The following AGAP1 variants were observed in gnomAD, a reference collection of about 807,000 sequenced individuals.
AGAP1 encodes the protein ArfGAP with GTPase domain, ankyrin repeat and PH domain 1.
In AGAP1, 29 loss-of-function variants were observed where a neutral mutation model predicts 105.3. That is an observed-to-expected ratio of 0.28 (90% CI 0.21 to 0.38). AGAP1 has a LOEUF of 0.38. Among genes scored for constraint, AGAP1 ranks in the 10% least tolerant of loss-of-function variants. The pLI is 1.00. For missense variants in AGAP1, 998 were observed against 1,165.1 expected, an observed-to-expected ratio of 0.86 and a Z score of 2.09; for synonymous variants, 509 against 485.9, an observed-to-expected ratio of 1.05 and a Z score of -0.63.
rs71400783 is a variant in AGAP1, at chr2:235,754,426, T to TAA, written c.673+3953_673+3954dup. Among the ~76,000 whole-genome samples, 1 of 136,666 alleles carries TAA rather than the reference T, an allele frequency of 7.3e-6. No homozygotes were observed. The highest frequency in any genetic ancestry group is 1.6e-5 in the Non-Finnish European group (1 of 62,482). 89.7% of individuals were successfully genotyped at this position (136,666 alleles called of 152,430 possible). A position where few individuals can be genotyped will look rare whatever the true frequency, so the allele number is the denominator to read the frequency against. On this transcript the variant is annotated intron_variant, in intron 6 of 17. Transcript: ENST00000304032. The surrounding 1 kb of genome is among the most constrained non-coding windows in gnomAD (Gnocchi z 4.6). ...TTCTACATAATGTTTGGCTTGTAAATAAAAAAAAAAAAAAAATCCAGCTGC... is the reference window on the plus strand; with the variant it reads ...TTCTACATAATGTTTGGCTTGTAAATAAAAAAAAAAAAAAAAAATCCAGCTGC...
chr2:236,020,326 T>G lies in AGAP1; in HGVS notation c.1646-16235T>G, dbSNP rs1370544399. Among the ~76,000 whole-genome samples the G allele has an allele frequency of 1.3e-5, 2 of 152,236 alleles. No individual in the cohort carries two copies. The highest frequency in any genetic ancestry group is 2.4e-5 in the African/African-American group (1 of 41,456). Reference sequence around the variant, plus strand: ...AATTGCAGTGTTTGAACGTTGTTTATGTAGCCAGGAACAGAGATTTGAAAA... The same window carrying G: ...AATTGCAGTGTTTGAACGTTGTTTAGGTAGCCAGGAACAGAGATTTGAAAA... On this transcript the variant is annotated intron_variant, in intron 13 of 17. Transcript: ENST00000304032. The surrounding 1 kb of genome is among the most constrained non-coding windows in gnomAD (Gnocchi z 5.0).
chr2:235,939,572 A>G (rs891824643), intron 12 of AGAP1, among the ~76,000 whole-genome samples: 1 of 83,554 alleles, frequency 1.2e-5, no homozygotes, highest in Non-Finnish European at 2.2e-5. Flanking sequence ...GTTCCAGGAC[A>G]CTCGTCTGTC....
chr2:235,650,363 G>A (rs1947541350), intron 1 of AGAP1, among the ~76,000 whole-genome samples: 1 of 152,014 alleles, frequency 6.6e-6, no homozygotes, highest in Admixed American at 6.6e-5. Flanking sequence ...TCTGGGAGTT[G>A]GGTTTGTTCA....
At chr2:235,860,346 T>C (rs959153390) in intron 9 of AGAP1, among the ~76,000 whole-genome samples, 3 of 151,994 alleles carry the variant, frequency 2.0e-5, no homozygotes, top group African/African-American at 4.8e-5. Flanking sequence ...CTTGAAACCA[T>C]AATTATAATT....
chr2:235,901,421 G>C lies in AGAP1; in HGVS notation c.1156-7317G>C, dbSNP rs2051058762. 6.6e-6 allele frequency among the ~76,000 whole-genome samples: 1 copy of C among 152,074 alleles called. No homozygotes were observed. The highest frequency in any genetic ancestry group is 6.6e-5 in the Admixed American group (1 of 15,266). On this transcript the variant is annotated intron_variant, in intron 10 of 17. Transcript: ENST00000304032. This position sits in a 1 kb window ranked among gnomAD's most constrained non-coding sequence, Gnocchi z 4.3. ...CATTCTTTTCCTCCAGGAGAAGGAGGAACAAACAAATGTGAAAACATTTAC... is the reference window on the plus strand; with the variant it reads ...CATTCTTTTCCTCCAGGAGAAGGAGCAACAAACAAATGTGAAAACATTTAC...
rs7568328 is a variant in AGAP1 at position 235,879,697 on chromosome 2, G to T, written c.1051-3648G>T. 6.6e-6 allele frequency among the ~76,000 whole-genome samples: 1 copy of T among 152,158 alleles called. No individual in the cohort carries two copies. Among genetic ancestry groups the T allele is most frequent in the African/African-American group, 2.4e-5 (1 of 41,432 alleles). On this transcript the variant is annotated intron_variant, in intron 9 of 17. Transcript: ENST00000304032. This position sits in a 1 kb window ranked among gnomAD's most constrained non-coding sequence, Gnocchi z 5.0. ...ACCCCAGCACTTCTGGGAAGCCATG[G>T]TGGGAGGATTGCTTGAGCCCAGGAG...
chr2:235,829,355 C>T (rs897567056), intron 9 of AGAP1, among the ~76,000 whole-genome samples: 13 of 152,336 alleles, frequency 8.5e-5, no homozygotes, highest in Middle Eastern at 3.4e-3. Context: ...CATTAGCAGT[C>T]GGTCACCTGT....
rs867170483 is a variant in AGAP1 at position 235,799,018 on chromosome 2, G to A, written c.802-349G>A. Among the ~76,000 whole-genome samples, 2 of 152,282 alleles carry A rather than the reference G, an allele frequency of 1.3e-5. No individual in the cohort carries two copies. Among genetic ancestry groups the A allele is most frequent in the Middle Eastern group, 3.4e-3 (1 of 294 alleles). On this transcript the variant is annotated intron_variant, in intron 7 of 17. Coordinates refer to ENST00000304032, the MANE Select transcript of AGAP1 (RefSeq NM_001037131.3). The surrounding 1 kb of genome is among the most constrained non-coding windows in gnomAD (Gnocchi z 5.0). ...GGTTCTGCTGATCTAGAGCAGTGGA[G>A]GGACCATAGAATCCCTTTAGTTTAA...
At chr2:235,542,536 C>T (rs1048213904) in intron 1 of AGAP1, among the ~76,000 whole-genome samples, 2 of 150,646 alleles carry the variant, frequency 1.3e-5, no homozygotes, top group Non-Finnish European at 1.5e-5. Context: ...ATCCCAAATC[C>T]GTACATCCTC....
At chr2:236,106,575 G>A (rs976162902) in intron 16 of AGAP1, among the ~76,000 whole-genome samples, 1 of 152,212 alleles carries the variant, frequency 6.6e-6, no homozygotes, top group Non-Finnish European at 1.5e-5. Context: ...GGCCATGCTG[G>A]GATTCCAGGA....
intron 1 of AGAP1, among the ~76,000 whole-genome samples, chr2:235,605,394 G>A (rs1439604382): frequency 6.6e-6 from 1 of 152,206 alleles, no homozygotes; most frequent in Admixed American, 6.5e-5. Context: ...TACCCAGAGA[G>A]CAGAATTTCG....
chr2:235,930,081 T>C lies in AGAP1; in HGVS notation c.1325-684T>C, dbSNP rs1031419125. 1.3e-5 allele frequency among the ~76,000 whole-genome samples: 2 copies of C among 152,238 alleles called. No homozygotes were observed. Among genetic ancestry groups the C allele is most frequent in the African/African-American group, 4.8e-5 (2 of 41,464 alleles). On this transcript the variant is annotated intron_variant, in intron 11 of 17. Coordinates refer to ENST00000304032, the MANE Select transcript of AGAP1 (RefSeq NM_001037131.3). The surrounding 1 kb of genome is among the most constrained non-coding windows in gnomAD (Gnocchi z 7.9). Reference sequence around the variant, plus strand: ...TGAGTCTAAAATTGGTATGACCAGATAATAATTCATTTTGATGTTGAGCAA... The same window carrying C: ...TGAGTCTAAAATTGGTATGACCAGACAATAATTCATTTTGATGTTGAGCAA...
chr2:235,544,156 A>G lies in AGAP1; in HGVS notation c.163+49307A>G, dbSNP rs528013113. Among the ~76,000 whole-genome samples the G allele has an allele frequency of 1.3e-4, 20 of 152,336 alleles. 1 individual carries two copies. The South Asian group carries it at 3.7e-3, about 28-fold the overall frequency. On this transcript the variant is annotated intron_variant, in intron 1 of 17. Coordinates refer to ENST00000304032, the MANE Select transcript of AGAP1 (RefSeq NM_001037131.3). Reference sequence around the variant, plus strand: ...TGCTTAAAAGGCATTTCATTTGTGAATGGCAGCATGTCTTTATGAGGGGTG... The same window carrying G: ...TGCTTAAAAGGCATTTCATTTGTGAGTGGCAGCATGTCTTTATGAGGGGTG...
chr2:235,505,929 CTTTT>C (rs57692049), intron 1 of AGAP1: 9 of 131,206 alleles, frequency 6.9e-5, no homozygotes, highest in South Asian at 5.1e-4. Context: ...AAATTCTTTT[CTTTT>C]TTTTTTTTTT....
chr2:235,722,867 T>C (rs1951457243), intron 3 of AGAP1, among the ~76,000 whole-genome samples: 1 of 150,372 alleles, frequency 6.7e-6, no homozygotes, highest in East Asian at 2.0e-4. Flanking sequence ...TAAAATACAC[T>C]AACACTAACA....
In AGAP1 at chr2:235,670,364, G is replaced by A. The variant is rs147286947; in HGVS notation, c.164-38815G>A. The A allele has an allele frequency of 7.0e-3, 3,735 of 535,616 alleles. 26 individuals are homozygous for A. The highest frequency in any genetic ancestry group is 0.01 in the Non-Finnish European group (3,057 of 296,972). 33.2% of individuals were successfully genotyped at this position (535,616 alleles called of 1,614,324 possible). On this transcript the variant is annotated intron_variant, in intron 1 of 17. Coordinates refer to ENST00000304032, the MANE Select transcript of AGAP1 (RefSeq NM_001037131.3). ...GGAACCGGAGGGTCCCCGGCCGCGC[G>A]CTTGGGATTTCCGCACCTTCCGCAC...
chr2:235,529,636 G>C (rs1297639156), intron 1 of AGAP1, among the ~76,000 whole-genome samples: 1 of 152,208 alleles, frequency 6.6e-6, no homozygotes, highest in South Asian at 2.1e-4. Context: ...CCACATTGAG[G>C]TTATTTCATG....
chr2:235,809,898 A>G (rs1401029457), intron 9 of AGAP1, among the ~76,000 whole-genome samples: 1 of 152,210 alleles, frequency 6.6e-6, no homozygotes, highest in African/African-American at 2.4e-5. Context: ...AGTGCTGTTC[A>G]TACAAGATCC....
intron 16 of AGAP1, among the ~76,000 whole-genome samples, chr2:236,079,029 G>A (rs977353243): frequency 1.3e-5 from 2 of 151,978 alleles, no homozygotes. Context: ...GGGTGTAGGA[G>A]GTGGTTGAAA....
Sources: gnomAD v4.1 joint callset for allele counts (sites outside exome capture counted in the v4.1 genomes callset) on GRCh38, gnomAD v4.1.1 for gene constraint, Gnocchi (gnomAD v3.1) non-coding constraint, MANE v1.5 for transcripts, NCBI Gene and HGNC (gene_info 2026-07-23, HGNC 2026-07-21) for gene names.